The following XKR6 variants were observed in gnomAD, a reference collection of about 807,000 sequenced individuals.
The protein encoded by XKR6 is XK related 6, also known as XK-related protein 6.
Under a neutral mutation model 56.7 loss-of-function variants are expected in XKR6, and 22 were observed. The observed-to-expected ratio is 0.39, with a 90% confidence interval of 0.28 to 0.55. The LOEUF (loss-of-function observed/expected upper bound fraction) is 0.55, where lower values mean the gene tolerates loss of function less well. Ranked by LOEUF, XKR6 falls within the 20% of genes least tolerant of loss-of-function variation. XKR6 has a pLI of 0.66. For synonymous variants in XKR6, 524 were observed against 387.8 expected (o/e 1.35, Z -4.13); for missense variants, 852 against 889.0 (o/e 0.96, Z 0.53).
At chr8:10,904,281 G>A (rs1800123182) in intron 2 of XKR6, among the ~76,000 whole-genome samples, 1 of 152,162 alleles carries the variant, frequency 6.6e-6, no homozygotes, top group South Asian at 2.1e-4. Context: ...GAGTTCCTGA[G>A]GCTGGGGGGC....
chr8:10,931,130 T>C (rs1801039728), intron 1 of XKR6, among the ~76,000 whole-genome samples: 1 of 152,184 alleles, frequency 6.6e-6, no homozygotes, highest in East Asian at 1.9e-4. Context: ...TGCGTTTCTA[T>C]AAATGATTAA....
At chr8:11,118,768 T>C (rs10109006) in intron 1 of XKR6, among the ~76,000 whole-genome samples, 165 of 152,320 alleles carry the variant, frequency 1.1e-3, no homozygotes, top group African/African-American at 3.7e-3. Context: ...AGCTCCTGGA[T>C]TCACTGATTT....
intron 1 of XKR6, among the ~76,000 whole-genome samples, chr8:10,932,531 C>G (rs1483294357): frequency 2.1e-5 from 3 of 140,910 alleles, no homozygotes; most frequent in Non-Finnish European, 3.1e-5. Context: ...CCCACTAACT[C>G]GTCATCTAGC....
At chr8:11,159,973 T>A (rs1801711320) in intron 1 of XKR6, among the ~76,000 whole-genome samples, 1 of 152,144 alleles carries the variant, frequency 6.6e-6, no homozygotes, top group Non-Finnish European at 1.5e-5. Context: ...ATCAAGCCGA[T>A]AAAATAACCA....
rs746771185 is a variant in XKR6 at position 11,075,202 on chromosome 8, C to T, written c.764+125374G>A. ...AAAAAAAGGGTGGTTGTCTACAAGG[C>T]GCCACAGTCCCTCAGTGAGAAATCT... On this transcript the variant is annotated intron_variant, in intron 1 of 2. Coordinates refer to ENST00000416569, the MANE Select transcript of XKR6 (RefSeq NM_173683.4). 5.3e-5 allele frequency among the ~76,000 whole-genome samples: 8 copies of T among 152,312 alleles called. No homozygotes were observed. In the East Asian group the frequency reaches 1.2e-3, roughly 22 times the overall value.
chr8:10,920,238 C>T (rs757519142), intron 2 of XKR6, among the ~76,000 whole-genome samples: 2 of 152,060 alleles, frequency 1.3e-5, no homozygotes, highest in African/African-American at 4.8e-5. Flanking sequence ...AGCCTGAAGG[C>T]GAATTCAGAA....
intron 1 of XKR6, among the ~76,000 whole-genome samples, chr8:11,153,409 A>G (rs1434070443): frequency 1.3e-5 from 2 of 152,236 alleles, no homozygotes; most frequent in Non-Finnish European, 2.9e-5. Context: ...TTAGCCCCAA[A>G]AACTCTACTA....
intron 1 of XKR6, chr8:11,137,249 A>AG (rs1409789144): frequency 1.2e-5 from 3 of 243,386 alleles, no homozygotes; most frequent in Admixed American, 1.1e-4. Flanking sequence ...AGCGGGAGAC[A>AG]GGAATTCCAG....
chr8:11,108,512 A>G, intron 1 of XKR6: 1 of 370,922 alleles, frequency 2.7e-6, no homozygotes, highest in Non-Finnish European at 5.3e-6. Flanking sequence ...TAAACCCACT[A>G]AGCCAGCAGG....
At chr8:11,190,015 G>T (rs1803466302) in intron 1 of XKR6, among the ~76,000 whole-genome samples, 1 of 152,114 alleles carries the variant, frequency 6.6e-6, no homozygotes, top group African/African-American at 2.4e-5. Context: ...AAATTAGACG[G>T]GTATGGTGGC....
chr8:10,902,647 G>A (rs183884397), intron 2 of XKR6, among the ~76,000 whole-genome samples: 20 of 152,328 alleles, frequency 1.3e-4, no homozygotes, highest in African/African-American at 4.8e-4. Flanking sequence ...TTCAGGGTTC[G>A]AACGCCAGGC....
chr8:10,986,871 G>A (rs1563329450), intron 1 of XKR6, among the ~76,000 whole-genome samples: 1 of 151,814 alleles, frequency 6.6e-6, no homozygotes, highest in African/African-American at 2.4e-5. Flanking sequence ...GAACTCCAGG[G>A]CTCAAGCCTT....
Position 11,200,851 on chromosome 8 carries a change from C to T in XKR6, c.489G>A (p.Gly163=), listed in dbSNP as rs780448106. 1.5e-5 allele frequency: 24 copies of T among 1,612,024 alleles called. 1 individual carries two copies. The Admixed American group carries it at 3.7e-4, about 25-fold the overall frequency. Residue 163 remains glycine, a synonymous_variant, in exon 1 of 3, where the codon GGG becomes GGA. Transcript: ENST00000416569. This position sits in a 1 kb window ranked among gnomAD's most constrained non-coding sequence, Gnocchi z 6.4. ...GCACCAGCACGAAGAAGAGGGTCAG[C>T]CCGAAGTAGACGTAGTCCCCCTTGC... ...YYRKGDYVYF[G]LTLFFVLVPS... is the part of the protein sequence containing the mutation.
At chr8:11,079,690 T>C (rs1563122529) in intron 1 of XKR6, among the ~76,000 whole-genome samples, 2 of 152,212 alleles carry the variant, frequency 1.3e-5, no homozygotes, top group Non-Finnish European at 1.5e-5. Context: ...CCAGGCACGG[T>C]GGTTCATGCC....
intron 1 of XKR6, chr8:11,113,993 G>C (rs1668985258): frequency 2.6e-6 from 1 of 381,430 alleles, no homozygotes; most frequent in African/African-American, 2.1e-5. Flanking sequence ...GCGGGCTGAA[G>C]TGGTTTCAGG....
At chr8:11,110,390 T>A (rs1240956048) in intron 1 of XKR6, among the ~76,000 whole-genome samples, 1 of 152,214 alleles carries the variant, frequency 6.6e-6, no homozygotes, top group African/African-American at 2.4e-5. Context: ...CTATTCAGCT[T>A]CCAAAAGCCA....
At chr8:11,181,009 C>T (rs953158419) in intron 1 of XKR6, among the ~76,000 whole-genome samples, 1 of 152,184 alleles carries the variant, frequency 6.6e-6, no homozygotes, top group African/African-American at 2.4e-5. Flanking sequence ...TCTGGACCCA[C>T]AAGGCTTCAT....
intron 2 of XKR6, among the ~76,000 whole-genome samples, chr8:10,912,891 T>G (rs1198887454): frequency 1.3e-5 from 2 of 150,658 alleles, no homozygotes; most frequent in Admixed American, 6.6e-5. Flanking sequence ...GGTGTGTGTG[T>G]TTATATATAA....
intron 1 of XKR6, among the ~76,000 whole-genome samples, chr8:11,146,550 G>C (rs1439407229): frequency 6.6e-6 from 1 of 151,250 alleles, no homozygotes. Context: ...GATCACCTGA[G>C]CCTAGGAGAG....
Sources: gnomAD v4.1 joint callset for allele counts (sites outside exome capture counted in the v4.1 genomes callset) on GRCh38, gnomAD v4.1.1 for gene constraint, Gnocchi (gnomAD v3.1) non-coding constraint, MANE v1.5 for transcripts, NCBI Gene and HGNC (gene_info 2026-07-23, HGNC 2026-07-21) for gene names.